PPP4R4: variants seen among roughly 807,000 people sequenced by gnomAD.
The protein encoded by PPP4R4 is serine/threonine-protein phosphatase 4 regulatory subunit 4.
PPP4R4 carries 70 observed loss-of-function variants against 121.8 expected under a neutral mutation model. The ratio of observed to expected loss-of-function variants is 0.57; its 90% CI spans 0.47 to 0.70. PPP4R4 has a LOEUF of 0.70. Ranked by LOEUF, PPP4R4 falls within the 30% of genes least tolerant of loss-of-function variation. The pLI, the probability that PPP4R4 is intolerant of heterozygous loss-of-function variation, is 0.00. For synonymous variants in PPP4R4, 348 were observed against 355.7 expected (o/e 0.98, Z 0.24); for missense variants, 875 against 1,033.6 (o/e 0.85, Z 2.10).
chr14:94,189,883 G>A (rs1277766466), intron 2 of PPP4R4, among the ~76,000 whole-genome samples: 1 of 152,082 alleles, frequency 6.6e-6, no homozygotes, highest in Non-Finnish European at 1.5e-5. Context: ...AAGCATTATT[G>A]GATTGTGTTG....
intron 2 of PPP4R4, among the ~76,000 whole-genome samples, chr14:94,204,511 G>A (rs956426344): frequency 2.6e-5 from 4 of 151,884 alleles, no homozygotes; most frequent in African/African-American, 9.7e-5. Context: ...AACAGTGGGT[G>A]GACACAATTC....
rs1181395205 is a variant in PPP4R4, at chr14:94,231,304, C to T, written c.505C>T (p.Leu169=). ...SVIEVLPKET[L]RHEILNPLVS... is the part of the protein sequence containing the mutation. ...TATAGAAGTATTGCCAAAAGAAACC[C>T]TACGGCATGAGGTAATACTTTCATG... Residue 169 remains leucine, a synonymous_variant, in exon 5 of 25, where the codon CTA becomes TTA. Transcript: ENST00000304338. 3 of 1,609,624 alleles carry T rather than the reference C, an allele frequency of 1.9e-6. No homozygotes were observed. The highest frequency in any genetic ancestry group is 4.5e-5 in the East Asian group (2 of 44,790).
At chr14:94,248,024 A>G (rs1892985264) in intron 14 of PPP4R4, among the ~76,000 whole-genome samples, 1 of 152,204 alleles carries the variant, frequency 6.6e-6, no homozygotes, top group African/African-American at 2.4e-5. Flanking sequence ...GCCCACTCAT[A>G]CCACTCCTAT....
chr14:94,227,162 C>CA, intron 3 of PPP4R4: 1 of 731,520 alleles, frequency 1.4e-6, no homozygotes, highest in East Asian at 2.8e-5. Flanking sequence ...CTTAATGTCT[C>CA]ATTTCATTTT....
chr14:94,183,142 G>A (rs1419914215), intron 2 of PPP4R4, among the ~76,000 whole-genome samples: 1 of 152,142 alleles, frequency 6.6e-6, no homozygotes, highest in Non-Finnish European at 1.5e-5. Flanking sequence ...GATGAGGCAT[G>A]TTGTGTGATT....
chr14:94,191,556 C>T (rs1000113022), intron 2 of PPP4R4, among the ~76,000 whole-genome samples: 18 of 151,986 alleles, frequency 1.2e-4, no homozygotes, highest in Non-Finnish European at 2.1e-4. Flanking sequence ...TGTTGTTAAT[C>T]GTATTCACCT....
At chr14:94,236,539 G>T (rs1470233267) in intron 7 of PPP4R4, among the ~76,000 whole-genome samples, 1 of 152,092 alleles carries the variant, frequency 6.6e-6, no homozygotes, top group Non-Finnish European at 1.5e-5. Context: ...CAATCTCTTA[G>T]AAAAACATGT....
intron 3 of PPP4R4, among the ~76,000 whole-genome samples, chr14:94,219,820 GGT>G (rs779958897): frequency 1.3e-5 from 2 of 152,140 alleles, no homozygotes; most frequent in Non-Finnish European, 2.9e-5. Flanking sequence ...ATCTTAGCCA[GGT>G]GTGATGACAC....
In PPP4R4 at chr14:94,233,704, C is replaced by T. The variant is rs772112128; in HGVS notation, c.568C>T (p.Arg190Cys). The T allele has an allele frequency of 5.6e-6, 9 of 1,606,098 alleles. 1 individual carries two copies. In the Admixed American group the frequency reaches 1.0e-4, roughly 18 times the overall value. ...ACAACTTTCCCAAACAGTCCAGTCT[C>T]GTTTAGTTAGTTGTAAAATTTTAGG... Reference protein sequence around the residue: ...KAQLSQTVQSRLVSCKILGKL... With the variant: ...KAQLSQTVQSCLVSCKILGKL... Residue 190 changes from arginine to cysteine, a missense_variant, in exon 6 of 25, where the codon CGT (arginine) becomes TGT (cysteine). By Grantham distance (180) the Arg-to-Cys change is radical. Transcript: ENST00000304338.
At position 94,234,550 on chromosome 14, in the gene PPP4R4, C is replaced by A; in HGVS notation, c.624-12C>A. On this transcript the variant is annotated splice_polypyrimidine_tract_variant and intron_variant, in intron 6 of 24. Coordinates refer to ENST00000304338, the MANE Select transcript of PPP4R4 (RefSeq NM_058237.2). ...TCATTCATTTGCATGTTTCTTTTCT[C>A]CCCACCTTCAGCATTAAGCGAGAAA... The A allele has an allele frequency of 6.6e-7, 1 of 1,503,866 alleles. No individual in the cohort carries two copies. The highest frequency in any genetic ancestry group is 9.2e-7 in the Non-Finnish European group (1 of 1,084,152). 93.2% of individuals were successfully genotyped at this position (1,503,866 alleles called of 1,614,324 possible). A position where few individuals can be genotyped will look rare whatever the true frequency, so the allele number is the denominator to read the frequency against.
At chr14:94,185,917 C>T (rs564025060) in intron 2 of PPP4R4, among the ~76,000 whole-genome samples, 2 of 152,272 alleles carry the variant, frequency 1.3e-5, no homozygotes, top group African/African-American at 4.8e-5. Context: ...TTCATCACCC[C>T]CACAAAAGCC....
At chr14:94,235,654 C>T (rs923032529) in intron 7 of PPP4R4, among the ~76,000 whole-genome samples, 2 of 151,966 alleles carry the variant, frequency 1.3e-5, no homozygotes, top group Admixed American at 6.6e-5. Flanking sequence ...CTGCCTCGGC[C>T]TCCCAAAGTG....
chr14:94,272,244 C>T (rs1894376933), intron 23 of PPP4R4, among the ~76,000 whole-genome samples: 1 of 152,140 alleles, frequency 6.6e-6, no homozygotes, highest in African/African-American at 2.4e-5. Context: ...TTGACACCAC[C>T]TGACTTCAGG....
intron 5 of PPP4R4, among the ~76,000 whole-genome samples, chr14:94,232,980 C>T (rs1308454566): frequency 1.3e-5 from 2 of 152,066 alleles, no homozygotes; most frequent in African/African-American, 2.4e-5. Context: ...ATGGCGTGAA[C>T]CCGGGAGGTG....
chr14:94,264,309 T>C (rs2139640772), intron 19 of PPP4R4, among the ~76,000 whole-genome samples: 1 of 152,116 alleles, frequency 6.6e-6, no homozygotes, highest in South Asian at 2.1e-4. Flanking sequence ...TCACCATGCC[T>C]GGCTAATTTT....
chr14:94,233,006 C>T (rs1255527498), intron 5 of PPP4R4, among the ~76,000 whole-genome samples: 3 of 151,112 alleles, frequency 2.0e-5, no homozygotes, highest in African/African-American at 4.9e-5. Context: ...TGCAGTGAGC[C>T]GAGATCGCGC....
chr14:94,208,835 A>G (rs1890596279), intron 3 of PPP4R4, among the ~76,000 whole-genome samples: 1 of 150,982 alleles, frequency 6.6e-6, no homozygotes, highest in African/African-American at 2.4e-5. Flanking sequence ...TAGTAGCTCA[A>G]AAACACCTCT....
At chr14:94,263,496 G>T (rs535582801) in intron 19 of PPP4R4, among the ~76,000 whole-genome samples, 2 of 152,058 alleles carry the variant, frequency 1.3e-5, no homozygotes, top group Non-Finnish European at 1.5e-5. Context: ...TCTATGCCAA[G>T]AATTTGTGTG....
Position 94,279,577 on chromosome 14 carries a change from A to AT in PPP4R4, c.*935dup, listed in dbSNP as rs1366985095. 1.3e-5 allele frequency: 2 copies of AT among 152,638 alleles called. No individual in the cohort carries two copies. Among genetic ancestry groups the AT allele is most frequent in the African/African-American group, 4.8e-5 (2 of 41,458 alleles). 9.5% of individuals were successfully genotyped at this position (152,638 alleles called of 1,614,324 possible). A position where few individuals can be genotyped will look rare whatever the true frequency, so the allele number is the denominator to read the frequency against. ...CTCTATTTCAAAATGCAATCAGCAT[A>AT]TAACTATATTGATATTAGAAGATAT... On this transcript the variant is annotated 3_prime_UTR_variant, in exon 25 of 25. Coordinates refer to ENST00000304338, the MANE Select transcript of PPP4R4 (RefSeq NM_058237.2).
Sources: gnomAD v4.1 joint callset for allele counts (sites outside exome capture counted in the v4.1 genomes callset) on GRCh38, gnomAD v4.1.1 for gene constraint, MANE v1.5 for transcripts, NCBI Gene and HGNC (gene_info 2026-07-23, HGNC 2026-07-21) for gene names.